The following CUX1 variants were observed in gnomAD, a reference collection of about 807,000 sequenced individuals.
CUX1 encodes the protein cut like homeobox 1.
In CUX1, 31 loss-of-function variants were observed where a neutral mutation model predicts 158.8. The ratio of observed to expected loss-of-function variants is 0.20; its 90% CI spans 0.15 to 0.26. CUX1 has a LOEUF of 0.26. CUX1 is among the 10% of genes least tolerant of loss of function. The pLI is 1.00. For synonymous variants in CUX1, 879 were observed against 862.1 expected (o/e 1.02, Z -0.34); for missense variants, 1,589 against 2,014.6 (o/e 0.79, Z 4.04).
At chr7:102,164,781 C>A (rs1236653535) in intron 9 of CUX1, among the ~76,000 whole-genome samples, 1 of 152,140 alleles carries the variant, frequency 6.6e-6, no homozygotes, top group Non-Finnish European at 1.5e-5. Context: ...GGGCCTTAGC[C>A]CATCATCAGC....
intron 1 of CUX1, among the ~76,000 whole-genome samples, chr7:101,911,075 C>G (rs1229858460): frequency 1.3e-5 from 2 of 152,272 alleles, no homozygotes; most frequent in Non-Finnish European, 2.9e-5. Context: ...ATGAGGGATG[C>G]CTGTGTGCAC....
At chr7:101,883,848 G>A (rs1562962851) in intron 1 of CUX1, among the ~76,000 whole-genome samples, 1 of 152,170 alleles carries the variant, frequency 6.6e-6, no homozygotes, top group African/African-American at 2.4e-5. Context: ...CACCGACCTC[G>A]ACCTCCCAAA....
At chr7:102,031,353 G>A (rs1392795845) in intron 3 of CUX1, among the ~76,000 whole-genome samples, 3 of 152,054 alleles carry the variant, frequency 2.0e-5, no homozygotes, top group Non-Finnish European at 2.9e-5. Flanking sequence ...ATGAGCCACC[G>A]CGCCTGGCCT....
chr7:102,203,332 A>G (rs1248510529), intron 18 of CUX1, among the ~76,000 whole-genome samples: 1 of 152,092 alleles, frequency 6.6e-6, no homozygotes, highest in Non-Finnish European at 1.5e-5. Context: ...AGCAGGGGAC[A>G]AATCCCACCC....
In CUX1 at chr7:102,131,724, G is replaced by A. The variant is rs192738057; in HGVS notation, c.674+16451G>A. On this transcript the variant is annotated intron_variant, in intron 8 of 23. Coordinates refer to ENST00000292535, the MANE Select transcript of CUX1 (RefSeq NM_181552.4). ...GTCTTGCTGTCTCACCCAGGCTGAA[G>A]TGCAGTGGCGTGATCTTGGCTCACT... 1.8e-3 allele frequency among the ~76,000 whole-genome samples: 266 copies of A among 150,074 alleles called. 1 individual carries two copies. The highest frequency in any genetic ancestry group is 6.1e-3 in the African/African-American group (251 of 40,852).
At chr7:102,152,050 A>T (rs1203882242) in intron 8 of CUX1, among the ~76,000 whole-genome samples, 1 of 152,120 alleles carries the variant, frequency 6.6e-6, no homozygotes, top group Non-Finnish European at 1.5e-5. Context: ...GTCTCTACAA[A>T]AAAGAAAAAA....
chr7:102,068,445 G>GA (rs895087327), intron 3 of CUX1, among the ~76,000 whole-genome samples: 1 of 34,284 alleles, frequency 2.9e-5, no homozygotes, highest in African/African-American at 3.6e-4. Context: ...TTATCGGGTT[G>GA]AGGGGGTGGA....
chr7:101,850,602 A>C (rs1796176116), intron 1 of CUX1, among the ~76,000 whole-genome samples: 1 of 151,374 alleles, frequency 6.6e-6, no homozygotes, highest in Non-Finnish European at 1.5e-5. Context: ...GTGGTCTCGA[A>C]CTCCTGGGCT....
chr7:102,021,838 G>C (rs184927526), intron 2 of CUX1, among the ~76,000 whole-genome samples: 28 of 152,214 alleles, frequency 1.8e-4, no homozygotes, highest in Non-Finnish European at 3.5e-4. Context: ...TGGGAATACA[G>C]GTGTGAGCCA....
chr7:101,860,381 A>G (rs529756994), intron 1 of CUX1, among the ~76,000 whole-genome samples: 1 of 152,342 alleles, frequency 6.6e-6, no homozygotes, highest in East Asian at 1.9e-4. Flanking sequence ...ATATTTCAGT[A>G]TGTATCTCTA....
intron 2 of CUX1, among the ~76,000 whole-genome samples, chr7:101,923,442 C>T (rs180764051): frequency 1.3e-3 from 196 of 152,300 alleles, no homozygotes; most frequent in African/African-American, 4.5e-3. Context: ...CCATCCCCAG[C>T]CCTCATCCTG....
chr7:102,268,671 T>C (rs1172063884), intron 14 of CUX1, among the ~76,000 whole-genome samples: 3 of 152,176 alleles, frequency 2.0e-5, no homozygotes, highest in Admixed American at 2.0e-4. Context: ...GGCTCATGGT[T>C]CTGCAGGCTG....
At chr7:102,066,900 GAA>G (rs1431670987) in intron 3 of CUX1, among the ~76,000 whole-genome samples, 1 of 152,208 alleles carries the variant, frequency 6.6e-6, no homozygotes, top group Non-Finnish European at 1.5e-5. Flanking sequence ...GACAGGGAAA[GAA>G]AACACAACAC....
chr7:102,253,846 G>C lies in CUX1; in HGVS notation c.*4804G>C, dbSNP rs1801785629. The C allele has an allele frequency of 2.0e-6, 2 of 985,692 alleles. No homozygotes were observed. The highest frequency in any genetic ancestry group is 1.2e-6 in the Non-Finnish European group (1 of 830,246). The allele number at this position is 985,692 out of a possible 1,614,324, so 61.1% of individuals were successfully genotyped here. ...CTATTTGCTGTGGTACTTTAGGCTG[G>C]AGGTTTGGCTCCTGTGCTGCCGGTG... On this transcript the variant is annotated 3_prime_UTR_variant, in exon 24 of 24. Transcript: ENST00000292535.
At chr7:102,007,705 C>T (rs1817544644) in intron 2 of CUX1, among the ~76,000 whole-genome samples, 2 of 151,360 alleles carry the variant, frequency 1.3e-5, no homozygotes, top group Non-Finnish European at 2.9e-5. Context: ...CCTCCCCCCT[C>T]CCTCGCCACC....
chr7:102,221,574 CTT>C (rs1554526919), intron 20 of CUX1, among the ~76,000 whole-genome samples: 1 of 149,048 alleles, frequency 6.7e-6, no homozygotes, highest in Non-Finnish European at 1.5e-5. Context: ...CCATTGAAAA[CTT>C]AAGGCAGCTG....
intron 1 of CUX1, among the ~76,000 whole-genome samples, chr7:101,820,636 G>A (rs1792358963): frequency 6.6e-6 from 1 of 152,182 alleles, no homozygotes; most frequent in South Asian, 2.1e-4. Flanking sequence ...TGTTTTGTCT[G>A]AAGCCCCGCG....
At chr7:102,091,499 T>A (rs1554482197) in intron 4 of CUX1, among the ~76,000 whole-genome samples, 1 of 151,862 alleles carries the variant, frequency 6.6e-6, no homozygotes, top group African/African-American at 2.4e-5. Context: ...GCCCAGCTAA[T>A]TTTTTATCTT....
intron 11 of CUX1, among the ~76,000 whole-genome samples, chr7:102,179,245 G>A (rs782297284): frequency 1.2e-4 from 18 of 152,092 alleles, no homozygotes; most frequent in Middle Eastern, 3.4e-3. Flanking sequence ...ATGGGGTTTC[G>A]CCACATTGGC....
Sources: gnomAD v4.1 joint callset for allele counts (sites outside exome capture counted in the v4.1 genomes callset) on GRCh38, gnomAD v4.1.1 for gene constraint, MANE v1.5 for transcripts, NCBI Gene and HGNC (gene_info 2026-07-23, HGNC 2026-07-21) for gene names.